ANKS1A: variants seen among roughly 807,000 people sequenced by gnomAD.
The protein encoded by ANKS1A is ankyrin repeat and SAM domain-containing protein 1A.
A neutral mutation model predicts 120.3 loss-of-function variants in ANKS1A; 55 were observed. The ratio of observed to expected loss-of-function variants is 0.46; its 90% confidence interval spans 0.37 to 0.57. The LOEUF (loss-of-function observed/expected upper bound fraction) is 0.57. Ranked by LOEUF, ANKS1A falls within the 20% of genes least tolerant of loss-of-function variation. The probability of loss-of-function intolerance (pLI) is 0.00; values close to 1 mark genes in which losing one functional copy is unlikely to be tolerated. For missense variants in ANKS1A, 1,123 were observed against 1,480.3 expected, an observed-to-expected ratio of 0.76 and a Z score of 3.96; for synonymous variants, 590 against 604.7, an observed-to-expected ratio of 0.98 and a Z score of 0.36.
At chr6:35,034,922 C>G (rs549493894) in intron 11 of ANKS1A, among the ~76,000 whole-genome samples, 2 of 152,320 alleles carry the variant, frequency 1.3e-5, no homozygotes, top group East Asian at 3.9e-4. Context: ...GATGCAAAAA[C>G]TTAAAGGGGA....
At chr6:34,941,010 A>G (rs1221177531) in intron 1 of ANKS1A, among the ~76,000 whole-genome samples, 3 of 151,784 alleles carry the variant, frequency 2.0e-5, no homozygotes, top group African/African-American at 7.3e-5. Flanking sequence ...TTTTTTTGAG[A>G]TGGAGTCTTG....
chr6:35,029,194 A>G (rs1774775039), intron 11 of ANKS1A, among the ~76,000 whole-genome samples: 1 of 150,796 alleles, frequency 6.6e-6, no homozygotes, highest in Non-Finnish European at 1.5e-5. Flanking sequence ...TCTCTTTGTT[A>G]CTAATTTGTA....
At chr6:34,941,962 G>T (rs899341483) in intron 1 of ANKS1A, among the ~76,000 whole-genome samples, 1 of 152,182 alleles carries the variant, frequency 6.6e-6, no homozygotes, top group Non-Finnish European at 1.5e-5. Flanking sequence ...TGTTATTAGA[G>T]GTGATGCTAT....
intron 11 of ANKS1A, among the ~76,000 whole-genome samples, chr6:35,023,362 G>A (rs1774448616): frequency 6.6e-6 from 1 of 152,186 alleles, no homozygotes; most frequent in African/African-American, 2.4e-5. Context: ...AGCAAGCATA[G>A]ATGGCTGTAT....
At position 35,086,466 on chromosome 6, in the gene ANKS1A, C is replaced by A; in HGVS notation, c.3304-486C>A. On this transcript the variant is annotated intron_variant, in intron 22 of 23. Transcript: ENST00000360359. This position sits in a 1 kb window ranked among gnomAD's most constrained non-coding sequence, Gnocchi z 5.1. ...CCTCTCCCTCTGCCTGTGTGACATT[C>A]TTTCCCCTCTTCCTGAGATGCCCTC... is the stretch of plus-strand genomic sequence containing the variant. The A allele has an allele frequency of 1.2e-6, 1 of 809,510 alleles. No homozygotes were observed. The allele number at this position is 809,510 out of a possible 1,614,324, so 50.1% of individuals were successfully genotyped here. A position where few individuals can be genotyped will look rare whatever the true frequency, so the allele number is the denominator to read the frequency against.
rs564397495 is a variant in ANKS1A, at chr6:35,026,811, C to T, written c.2010+8752C>T. On this transcript the variant is annotated intron_variant, in intron 11 of 23. Coordinates refer to ENST00000360359, the MANE Select transcript of ANKS1A (RefSeq NM_015245.3). ...ACTTTTAACTTCCTTTTTCTTTAGT[C>T]ATGATTGCTACCTGTTGCCTTTCTC... 2.0e-5 allele frequency among the ~76,000 whole-genome samples: 3 copies of T among 152,300 alleles called. No homozygotes were observed. The South Asian group carries it at 6.2e-4, about 32-fold the overall frequency.
At position 34,935,284 on chromosome 6, in the gene ANKS1A, G is replaced by A. The variant is rs112393581; in HGVS notation, c.198-31955G>A. 4.2e-3 allele frequency among the ~76,000 whole-genome samples: 634 copies of A among 152,150 alleles called. 6 individuals are homozygous for A. The highest frequency in any genetic ancestry group is 0.01 in the Middle Eastern group (3 of 294). Reference sequence around the variant, plus strand: ...GAAATTTTTGTAGAGACGGGGTCTCGCCGTGTTTCCCAGGCTGGTCTCAAA... The same window carrying A: ...GAAATTTTTGTAGAGACGGGGTCTCACCGTGTTTCCCAGGCTGGTCTCAAA... On this transcript the variant is annotated intron_variant, in intron 1 of 23. Coordinates refer to ENST00000360359, the MANE Select transcript of ANKS1A (RefSeq NM_015245.3).
intron 10 of ANKS1A, among the ~76,000 whole-genome samples, chr6:35,001,876 T>A (rs1241499978): frequency 6.6e-6 from 1 of 152,120 alleles, no homozygotes; most frequent in East Asian, 1.9e-4. Flanking sequence ...TGTAAGGCCC[T>A]GGCCAAGGCC....
chr6:34,909,496 A>C (rs187175277), intron 1 of ANKS1A, among the ~76,000 whole-genome samples: 10 of 152,364 alleles, frequency 6.6e-5, no homozygotes, highest in Admixed American at 5.9e-4. Flanking sequence ...TTAAATGGTC[A>C]AGAGCTTTTA....
At chr6:34,890,184 C>G (rs1037633724) in intron 1 of ANKS1A, among the ~76,000 whole-genome samples, 1 of 151,998 alleles carries the variant, frequency 6.6e-6, no homozygotes. Context: ...CTCCGCCTCC[C>G]GGGTTCAAGC....
At position 35,085,231 on chromosome 6, in the gene ANKS1A, T is replaced by C. The variant is rs1777901395; in HGVS notation, c.3133-535T>C. Among the ~76,000 whole-genome samples the C allele has an allele frequency of 6.6e-6, 1 of 152,160 alleles. No homozygotes were observed. The highest frequency in any genetic ancestry group is 2.4e-5 in the African/African-American group (1 of 41,442). ...ACCTCAGGGGCCACTGTGAGATGGA[T>C]GAGGTGGTCCACACAGCACAGTCAG... On this transcript the variant is annotated intron_variant, in intron 21 of 23. Coordinates refer to ENST00000360359, the MANE Select transcript of ANKS1A (RefSeq NM_015245.3). This position sits in a 1 kb window ranked among gnomAD's most constrained non-coding sequence, Gnocchi z 4.7.
intron 1 of ANKS1A, among the ~76,000 whole-genome samples, chr6:34,921,359 C>T (rs560905565): frequency 2.0e-5 from 3 of 152,192 alleles, no homozygotes; most frequent in South Asian, 4.1e-4. Context: ...CAACAAAATA[C>T]ACGGGCTTAG....
intron 1 of ANKS1A, among the ~76,000 whole-genome samples, chr6:34,965,526 ATTTTTAGTAGAGACGAG>A (rs1770850442): frequency 1.3e-5 from 2 of 151,962 alleles, no homozygotes; most frequent in Admixed American, 1.3e-4. Flanking sequence ...TAATTTTTGT[ATTTTTAGTAGAGACGAG>A]TTTCCCTATG....
intron 13 of ANKS1A, among the ~76,000 whole-genome samples, chr6:35,070,024 CAAA>C (rs10667602): frequency 5.2e-5 from 5 of 95,522 alleles, no homozygotes; most frequent in East Asian, 3.4e-4. Context: ...AAGACTCTGT[CAAA>C]AAAAAAAAAA....
rs1359210987 is a variant in ANKS1A, at chr6:35,085,031, C to T, written c.3133-735C>T. Among the ~76,000 whole-genome samples, 2 of 152,184 alleles carry T rather than the reference C, an allele frequency of 1.3e-5. No individual in the cohort carries two copies. The highest frequency in any genetic ancestry group is 1.3e-4 in the Admixed American group (2 of 15,288). On this transcript the variant is annotated intron_variant, in intron 21 of 23. Coordinates refer to ENST00000360359, the MANE Select transcript of ANKS1A (RefSeq NM_015245.3). The surrounding 1 kb of genome is among the most constrained non-coding windows in gnomAD (Gnocchi z 4.7). ...CAGAATCTCTGTGGCTCCTGGAATA[C>T]AGGCAGCTCTGGGCATCCCCACACT...
At chr6:35,075,419 T>TC (rs1389549583) in intron 13 of ANKS1A, among the ~76,000 whole-genome samples, 3 of 149,302 alleles carry the variant, frequency 2.0e-5, no homozygotes, top group East Asian at 3.9e-4. Flanking sequence ...AATTTTCTTT[T>TC]TTTTTTTTTT....
chr6:34,915,550 C>T (rs911563736), intron 1 of ANKS1A, among the ~76,000 whole-genome samples: 1 of 152,148 alleles, frequency 6.6e-6, no homozygotes, highest in African/African-American at 2.4e-5. Context: ...TCTTACTGTG[C>T]TGCCCAGGCT....
intron 10 of ANKS1A, among the ~76,000 whole-genome samples, chr6:35,001,788 C>T (rs1773181815): frequency 1.3e-5 from 2 of 152,124 alleles, no homozygotes; most frequent in African/African-American, 4.8e-5. Flanking sequence ...TGCTTTAGTC[C>T]ATTTGGCTAT....
chr6:35,079,849 G>T lies in ANKS1A; in HGVS notation c.2465G>T (p.Arg822Leu). The change falls in exon 16 of 24, where the codon CGC becomes CTC. Residue 822 changes from arginine (R) to leucine (L), a missense_variant. Around this residue, in one of 3 missense-constraint regions of ANKS1A, gnomAD observed 904 missense variants for 1,130.4 expected, o/e 0.80. Transcript: ENST00000360359. The part of the protein sequence containing the change: ...NVLKVQLLGH[R>L]KRIIASLADR... ...CTGAAGGTCCAGCTGCTCGGCCATCGCAAGCGCATCATCGCCTCCCTCGCA... is the reference window on the plus strand; with the variant it reads ...CTGAAGGTCCAGCTGCTCGGCCATCTCAAGCGCATCATCGCCTCCCTCGCA... 1.3e-6 allele frequency: 2 copies of T among 1,573,054 alleles called. No homozygotes were observed. Among genetic ancestry groups the T allele is most frequent in the Non-Finnish European group, 1.7e-6 (2 of 1,159,106 alleles).
Sources: gnomAD v4.1 joint callset for allele counts (sites outside exome capture counted in the v4.1 genomes callset) on GRCh38, gnomAD v4.1.1 for gene constraint, gnomAD v4.1.1 regional missense constraint, Gnocchi (gnomAD v3.1) non-coding constraint, MANE v1.5 for transcripts, NCBI Gene and HGNC (gene_info 2026-07-23, HGNC 2026-07-21) for gene names.